Variants in DPP10 observed in about 807,000 individuals in gnomAD.
DPP10 encodes the protein dipeptidyl peptidase like 10, also known as inactive dipeptidyl peptidase 10.
In DPP10, 33 loss-of-function variants were observed where a neutral mutation model predicts 120.9. The ratio of observed to expected loss-of-function variants is 0.27; its 90% CI spans 0.21 to 0.37. The LOEUF (loss-of-function observed/expected upper bound fraction) is 0.37. DPP10 is among the 10% of genes least tolerant of loss of function. DPP10 has a pLI of 1.00. For synonymous variants in DPP10, 337 were observed against 326.1 expected (o/e 1.03, Z -0.36); for missense variants, 816 against 942.8 (o/e 0.87, Z 1.76).
At chr2:114,545,496 C>A (rs1687317030) in intron 1 of DPP10, among the ~76,000 whole-genome samples, 1 of 152,174 alleles carries the variant, frequency 6.6e-6, no homozygotes, top group Non-Finnish European at 1.5e-5. Context: ...AAGTTGGATT[C>A]ATTGAGATCA....
chr2:114,872,320 C>G (rs1464813981), intron 1 of DPP10, among the ~76,000 whole-genome samples: 1 of 152,054 alleles, frequency 6.6e-6, no homozygotes, highest in African/African-American at 2.4e-5. Flanking sequence ...CCATCATATT[C>G]CAAGAAAACT....
chr2:115,558,396 A>G (rs1178948114), intron 5 of DPP10, among the ~76,000 whole-genome samples: 1 of 152,206 alleles, frequency 6.6e-6, no homozygotes, highest in Non-Finnish European at 1.5e-5. Flanking sequence ...CAATGGCACG[A>G]GCAGTTATTA....
chr2:114,843,203 A>G (rs1688293952), intron 1 of DPP10, among the ~76,000 whole-genome samples: 1 of 152,094 alleles, frequency 6.6e-6, no homozygotes, highest in Non-Finnish European at 1.5e-5. Context: ...TAATCCCAGG[A>G]TGGTACTACT....
intron 1 of DPP10, among the ~76,000 whole-genome samples, chr2:114,934,207 A>G (rs1258735706): frequency 6.6e-6 from 1 of 152,166 alleles, no homozygotes; most frequent in African/African-American, 2.4e-5. Flanking sequence ...TGTGAAGTTC[A>G]GGCTCATCTC....
chr2:115,758,103 A>G (rs570309586), intron 11 of DPP10, among the ~76,000 whole-genome samples: 2 of 152,258 alleles, frequency 1.3e-5, no homozygotes, highest in African/African-American at 2.4e-5. Context: ...TATAGATAAC[A>G]TAACTGTATA....
At chr2:114,471,036 CAA>C (rs1031451958) in intron 1 of DPP10, among the ~76,000 whole-genome samples, 1 of 152,084 alleles carries the variant, frequency 6.6e-6, no homozygotes, top group African/African-American at 2.4e-5. Context: ...GTAGATGAGA[CAA>C]AGTAGAAAAT....
intron 1 of DPP10, among the ~76,000 whole-genome samples, chr2:114,449,129 C>G (rs149690900): frequency 2.3e-4 from 35 of 152,138 alleles, no homozygotes; most frequent in African/African-American, 8.2e-4. Context: ...ATTTTTTGTC[C>G]AGAAATTGTG....
chr2:115,486,939 A>G (rs1260689481), intron 3 of DPP10, among the ~76,000 whole-genome samples: 1 of 152,160 alleles, frequency 6.6e-6, no homozygotes. Context: ...CGGCACTTCC[A>G]CAAGAATTAA....
At chr2:114,952,692 C>T (rs1239653362) in intron 1 of DPP10, among the ~76,000 whole-genome samples, 2 of 152,224 alleles carry the variant, frequency 1.3e-5, no homozygotes, top group South Asian at 2.1e-4. Context: ...AGTGTGAATA[C>T]AACATGTGTT....
At chr2:114,483,999 T>G (rs1681286816) in intron 1 of DPP10, among the ~76,000 whole-genome samples, 1 of 152,260 alleles carries the variant, frequency 6.6e-6, no homozygotes, top group Non-Finnish European at 1.5e-5. Context: ...CACTGTAGAC[T>G]TTTGAGTCCG....
chr2:114,770,089 T>A (rs1681114555), intron 1 of DPP10, among the ~76,000 whole-genome samples: 1 of 152,138 alleles, frequency 6.6e-6, no homozygotes, highest in East Asian at 1.9e-4. Context: ...TTGTTGTTGT[T>A]GTTGTTAGCA....
intron 1 of DPP10, among the ~76,000 whole-genome samples, chr2:114,568,339 A>G (rs1372742182): frequency 6.6e-6 from 1 of 152,194 alleles, no homozygotes; most frequent in Admixed American, 6.5e-5. Flanking sequence ...TGAAATAATC[A>G]AAATACGATT....
At chr2:115,705,966 G>C (rs1013530122) in intron 7 of DPP10, among the ~76,000 whole-genome samples, 1 of 151,618 alleles carries the variant, frequency 6.6e-6, no homozygotes, top group Non-Finnish European at 1.5e-5. Flanking sequence ...ACTGTAAGGG[G>C]ATAAGTCTGT....
At chr2:115,045,888 A>G (rs765033562) in intron 1 of DPP10, among the ~76,000 whole-genome samples, 1 of 152,092 alleles carries the variant, frequency 6.6e-6, no homozygotes, top group Non-Finnish European at 1.5e-5. Flanking sequence ...TTGATTTATC[A>G]ATTCTATTAG....
chr2:114,446,507 A>T (rs1677953461), intron 1 of DPP10, among the ~76,000 whole-genome samples: 1 of 152,158 alleles, frequency 6.6e-6, no homozygotes, highest in Non-Finnish European at 1.5e-5. Context: ...CCATGTAGTG[A>T]CCGGTCTTCC....
At chr2:114,830,905 A>T (rs780491669) in intron 1 of DPP10, among the ~76,000 whole-genome samples, 127 of 152,228 alleles carry the variant, frequency 8.3e-4, no homozygotes, top group Non-Finnish European at 1.4e-3. Flanking sequence ...ACATTAAAAA[A>T]AAAGTTAAAA....
intron 5 of DPP10, among the ~76,000 whole-genome samples, chr2:115,662,406 G>C (rs892839719): frequency 1.3e-5 from 2 of 150,482 alleles, no homozygotes; most frequent in African/African-American, 2.5e-5. Context: ...TGTATCATAA[G>C]ATAGCTCTAT....
At chr2:115,256,065 A>C (rs1447527910) in intron 1 of DPP10, among the ~76,000 whole-genome samples, 1 of 152,170 alleles carries the variant, frequency 6.6e-6, no homozygotes, top group Non-Finnish European at 1.5e-5. Context: ...CATGCTGCTA[A>C]TAAAGACATA....
chr2:114,923,471 C>CTTTTTTTT (rs1695355457), intron 1 of DPP10, among the ~76,000 whole-genome samples: 1 of 84,614 alleles, frequency 1.2e-5, no homozygotes, highest in African/African-American at 5.0e-5. Flanking sequence ...GGCCTTTTTT[C>CTTTTTTTT]CTTTTTTTTT....
Sources: gnomAD v4.1 joint callset for allele counts (sites outside exome capture counted in the v4.1 genomes callset) on GRCh38, gnomAD v4.1.1 for gene constraint, MANE v1.5 for transcripts, NCBI Gene and HGNC (gene_info 2026-07-23, HGNC 2026-07-21) for gene names.